OR2C1: variants seen among roughly 807,000 people sequenced by gnomAD.
The protein encoded by OR2C1 is olfactory receptor family 2 subfamily C member 1.
For missense variants in OR2C1, 468 were observed against 388.3 expected (o/e 1.21, Z -1.73); for synonymous variants, 209 against 167.3 (o/e 1.25, Z -1.92).
At position 3,356,922 on chromosome 16, in the gene OR2C1, G is replaced by C; in HGVS notation, c.*43G>C. Reference sequence around the variant, plus strand: ...ATTTATTGCGTCTTCATCTCTACATGCGTTTCTCATTAACTCTCTCTGGCC... The same window carrying C: ...ATTTATTGCGTCTTCATCTCTACATCCGTTTCTCATTAACTCTCTCTGGCC... On this transcript the variant is annotated 3_prime_UTR_variant, in exon 1 of 1. Coordinates refer to ENST00000304936, the MANE Select transcript of OR2C1 (RefSeq NM_012368.3). 1 of 1,431,950 alleles carries C rather than the reference G, an allele frequency of 7.0e-7. No homozygotes were observed. Among genetic ancestry groups the C allele is most frequent in the Non-Finnish European group, 9.4e-7 (1 of 1,067,892 alleles). The allele number at this position is 1,431,950 out of a possible 1,614,324, so 88.7% of individuals were successfully genotyped here.
At chr16:3,347,849 C>T in the OR2C1 span, among the ~76,000 whole-genome samples, 3 of 8,508 alleles carry the variant, frequency 3.5e-4, no homozygotes, top group Non-Finnish European at 7.7e-4. Flanking sequence ...CACACATGCA[C>T]ACGCACACAC....
At chr16:3,351,226 C>CTTTTTTTTTTTTTTTTTTTT (rs146153498), upstream of OR2C1, among the ~76,000 whole-genome samples, 4 of 13,254 alleles carry the variant, frequency 3.0e-4, no homozygotes, top group Non-Finnish European at 6.6e-4. Flanking sequence ...TTTTCTTTTT[C>CTTTTTTTTTTTTTTTTTTTT]TTTTTTTTTT....
At chr16:3,325,648 C>T in the OR2C1 span, among the ~76,000 whole-genome samples, 1 of 151,288 alleles carries the variant, frequency 6.6e-6, no homozygotes, top group Non-Finnish European at 1.5e-5. Context: ...CAAAGTAAGG[C>T]ACAATAAGGT....
chr16:3,346,247 G>T, the OR2C1 span, among the ~76,000 whole-genome samples: 1 of 152,136 alleles, frequency 6.6e-6, no homozygotes, highest in Admixed American at 6.6e-5. Context: ...CTCCCTGAGG[G>T]CATGGACTAT....
chr16:3,348,205 A>G, the OR2C1 span, among the ~76,000 whole-genome samples: 1 of 152,224 alleles, frequency 6.6e-6, no homozygotes, highest in Non-Finnish European at 1.5e-5. Flanking sequence ...AGTGCAGAGG[A>G]ATGAGAATGG....
At chr16:3,345,196 C>T in the OR2C1 span, among the ~76,000 whole-genome samples, 9 of 151,970 alleles carry the variant, frequency 5.9e-5, no homozygotes, top group Middle Eastern at 3.4e-3. Context: ...AGGCTGGGCG[C>T]GGTGGTTCAT....
chr16:3,346,734 A>G, the OR2C1 span, among the ~76,000 whole-genome samples: 2 of 148,444 alleles, frequency 1.3e-5, no homozygotes, highest in African/African-American at 2.5e-5. Context: ...GGTTCAATCA[A>G]TTTTCCTGCC....
chr16:3,336,446 C>G, the OR2C1 span, among the ~76,000 whole-genome samples: 1 of 152,018 alleles, frequency 6.6e-6, no homozygotes, highest in East Asian at 1.9e-4. Context: ...ACTGCAACCT[C>G]TGCCTCCTGG....
chr16:3,328,235 A>T, the OR2C1 span, among the ~76,000 whole-genome samples: 4 of 152,224 alleles, frequency 2.6e-5, no homozygotes, highest in Non-Finnish European at 5.9e-5. Context: ...TACTTGCCAT[A>T]ATTTATCAGT....
the OR2C1 span, among the ~76,000 whole-genome samples, chr16:3,348,514 G>A: frequency 0.023 from 3,446 of 152,256 alleles, 137 homozygotes; most frequent in African/African-American, 0.077. Context: ...TGTGATGGTT[G>A]TGATCATGTT....
the OR2C1 span, among the ~76,000 whole-genome samples, chr16:3,329,190 A>ACACACG: frequency 1.3e-5 from 2 of 150,574 alleles, no homozygotes; most frequent in African/African-American, 4.9e-5. Flanking sequence ...ACACACACAC[A>ACACACG]CACACACACA....
chr16:3,334,285 G>A, the OR2C1 span, among the ~76,000 whole-genome samples: 718 of 150,560 alleles, frequency 4.8e-3, 6 homozygotes, highest in African/African-American at 0.016. Flanking sequence ...CGACAGGCAC[G>A]TACCACCATG....
At chr16:3,337,514 A>G in the OR2C1 span, among the ~76,000 whole-genome samples, 3 of 151,940 alleles carry the variant, frequency 2.0e-5, no homozygotes, top group South Asian at 2.1e-4. Flanking sequence ...TGCTTGATCC[A>G]TTCTGCTGTT....
At chr16:3,333,210 CATTTTTTTTTTTTTTTTTTTTTTTTTT>C in the OR2C1 span, among the ~76,000 whole-genome samples, 3 of 33,030 alleles carry the variant, frequency 9.1e-5, no homozygotes, top group Non-Finnish European at 2.0e-4. Context: ...ATCTTTTGCC[CATTTTTTTTTTTTTTTTTTTTTTTTTT>C]TTTTTTTTTT....
In OR2C1 at chr16:3,357,012, C is replaced by G. The variant is rs2030692940; in HGVS notation, c.*133C>G. On this transcript the variant is annotated 3_prime_UTR_variant, in exon 1 of 1. Coordinates refer to ENST00000304936, the MANE Select transcript of OR2C1 (RefSeq NM_012368.3). ...CATGTTCCTGACAGCCCTAAGCTGA[C>G]AGCCCTAAGCTGTTGGGAACATGGT... The G allele has an allele frequency of 1.3e-6, 1 of 744,812 alleles. No individual in the cohort carries two copies. The highest frequency in any genetic ancestry group is 3.7e-4 in the Middle Eastern group (1 of 2,682). The allele number at this position is 744,812 out of a possible 1,614,324, so 46.1% of individuals were successfully genotyped here.
chr16:3,335,031 C>G, the OR2C1 span, among the ~76,000 whole-genome samples: 2 of 151,868 alleles, frequency 1.3e-5, no homozygotes, highest in African/African-American at 4.8e-5. Context: ...GTTGGCCAGG[C>G]TGGTCTTGAG....
At position 3,356,258 on chromosome 16, in the gene OR2C1, G is replaced by A; in HGVS notation, c.318G>A (p.Trp106Ter). 6.2e-7 allele frequency: 1 copy of A among 1,613,942 alleles called. No individual in the cohort carries two copies. The highest frequency in any genetic ancestry group is 8.5e-7 in the Non-Finnish European group (1 of 1,180,034). Residue 106 changes from tryptophan (W) to a stop codon, truncating the protein, a stop_gained, in exon 1 of 1, where the codon TGG becomes TGA. Transcript: ENST00000304936. LOFTEE classifies it low-confidence loss of function (END_TRUNC). ...TAACCCAGCTCTATGTCTTCCTTTG[G>A]CTGGGGGCCACCGAGTGCATCCTGC... is the stretch of plus-strand genomic sequence containing the variant. ...GCITQLYVFL[W>*]LGATECILLV...
chr16:3,338,896 G>A, the OR2C1 span, among the ~76,000 whole-genome samples: 15 of 152,116 alleles, frequency 9.9e-5, 1 homozygote, highest in Non-Finnish European at 1.9e-4. Context: ...TTTAAGTGAA[G>A]AATTTAATGA....
chr16:3,323,186 C>A, the OR2C1 span: 1 of 677,550 alleles, frequency 1.5e-6, no homozygotes. Flanking sequence ...GCACCTGGGT[C>A]TAGTTCAGCT....
Sources: gnomAD v4.1 joint callset for allele counts (sites outside exome capture counted in the v4.1 genomes callset) on GRCh38, gnomAD v4.1.1 for gene constraint, MANE v1.5 for transcripts, NCBI Gene and HGNC (gene_info 2026-07-23, HGNC 2026-07-21) for gene names.